Variants in ANO3 observed in about 807,000 individuals in gnomAD.
The protein encoded by ANO3 is anoctamin-3.
A neutral mutation model predicts 144.8 loss-of-function variants in ANO3; 99 were observed. The ratio of observed to expected loss-of-function variants is 0.68; its 90% confidence interval spans 0.58 to 0.81. The LOEUF (loss-of-function observed/expected upper bound fraction) is 0.81, where lower values mean the gene tolerates loss of function less well. ANO3 is among the 30% of genes least tolerant of loss of function. The pLI is 0.00. For missense variants in ANO3, 905 were observed against 1,202.2 expected, an observed-to-expected ratio of 0.75 and a Z score of 3.66; for synonymous variants, 414 against 392.6, an observed-to-expected ratio of 1.05 and a Z score of -0.64.
chr11:26,614,295 C>A (rs1025677456), intron 17 of ANO3, among the ~76,000 whole-genome samples: 2 of 152,182 alleles, frequency 1.3e-5, no homozygotes, highest in African/African-American at 4.8e-5. Flanking sequence ...CAGCCACTTT[C>A]CTGCTGTGCA....
At chr11:26,360,633 T>A (rs1855900706) in intron 1 of ANO3, among the ~76,000 whole-genome samples, 1 of 152,186 alleles carries the variant, frequency 6.6e-6, no homozygotes, top group Non-Finnish European at 1.5e-5. Context: ...GTCACCCAGC[T>A]TTCTATGGTG....
At chr11:26,564,747 A>T (rs1177382230) in intron 14 of ANO3, among the ~76,000 whole-genome samples, 4 of 63,736 alleles carry the variant, frequency 6.3e-5, no homozygotes, top group Non-Finnish European at 2.9e-5. Flanking sequence ...ATATATATAT[A>T]TATATATATA....
At chr11:26,566,803 T>C (rs1850604917) in intron 14 of ANO3, among the ~76,000 whole-genome samples, 1 of 66,224 alleles carries the variant, frequency 1.5e-5, no homozygotes. Flanking sequence ...AAATTCTGGC[T>C]TCTGACACAA....
intron 1 of ANO3, among the ~76,000 whole-genome samples, chr11:26,228,237 C>T (rs1870757): frequency 0.39 from 59,608 of 152,014 alleles, 12,206 homozygotes; most frequent in Non-Finnish European, 0.44. Context: ...ATGGCTTCTA[C>T]GACCCACATA....
At chr11:26,504,638 C>G (rs1159536138) in intron 4 of ANO3, among the ~76,000 whole-genome samples, 1 of 152,018 alleles carries the variant, frequency 6.6e-6, no homozygotes, top group Non-Finnish European at 1.5e-5. Context: ...ACTGGAGGGT[C>G]TAGAGGAGAG....
chr11:26,528,640 AC>A (rs1849226752), intron 7 of ANO3, among the ~76,000 whole-genome samples: 1 of 152,096 alleles, frequency 6.6e-6, no homozygotes, highest in Non-Finnish European at 1.5e-5. Context: ...AAATGGAATT[AC>A]TCTCTGTCTT....
In ANO3 at chr11:26,295,376, T is replaced by A. The variant is rs1012510294; in HGVS notation, c.155-14269T>A. The stretch of plus-strand genomic sequence containing the variant: ...TACTAAAAATAAAAATAAAAAAAAA[T>A]TAGCCGGGCTTAGTGGCGGGCGCCT... On this transcript the variant is annotated intron_variant, in intron 1 of 27. Transcript: ENST00000672621. Among the ~76,000 whole-genome samples, 8 of 151,414 alleles carry A rather than the reference T, an allele frequency of 5.3e-5. 1 individual carries two copies. The highest frequency in any genetic ancestry group is 2.0e-4 in the Admixed American group (3 of 15,186).
At chr11:26,551,964 G>T (rs1352075687) in intron 12 of ANO3, among the ~76,000 whole-genome samples, 1 of 151,902 alleles carries the variant, frequency 6.6e-6, no homozygotes, top group Non-Finnish European at 1.5e-5. Flanking sequence ...TGATAGAAAA[G>T]TTCCCTTAAA....
intron 1 of ANO3, among the ~76,000 whole-genome samples, chr11:26,210,421 G>A (rs1405385442): frequency 6.6e-6 from 1 of 152,146 alleles, no homozygotes; most frequent in Non-Finnish European, 1.5e-5. Context: ...GTAGCATGAT[G>A]TCTCCAGCTT....
intron 1 of ANO3, among the ~76,000 whole-genome samples, chr11:26,375,709 A>G (rs1232344128): frequency 1.3e-5 from 2 of 152,180 alleles, no homozygotes; most frequent in Admixed American, 6.6e-5. Flanking sequence ...GAGAGCCAAG[A>G]TATATATGCA....
chr11:26,610,938 A>G (rs569130641), intron 17 of ANO3, among the ~76,000 whole-genome samples: 1 of 152,114 alleles, frequency 6.6e-6, no homozygotes, highest in Non-Finnish European at 1.5e-5. Flanking sequence ...ATTGTTCATC[A>G]TAGTCTCTTA....
At chr11:26,653,592 GCTT>G (rs1853598094) in intron 24 of ANO3, among the ~76,000 whole-genome samples, 1 of 151,972 alleles carries the variant, frequency 6.6e-6, no homozygotes, top group Non-Finnish European at 1.5e-5. Flanking sequence ...TACAAAGGGA[GCTT>G]CTTCTCTGAG....
At chr11:26,246,335 T>C (rs1015835471) in intron 1 of ANO3, among the ~76,000 whole-genome samples, 1 of 151,880 alleles carries the variant, frequency 6.6e-6, no homozygotes, top group African/African-American at 2.4e-5. Flanking sequence ...TGGTAGTATT[T>C]TGTACTCCAA....
At chr11:26,288,375 G>GT (rs1340614826) in intron 1 of ANO3, among the ~76,000 whole-genome samples, 9 of 152,218 alleles carry the variant, frequency 5.9e-5, no homozygotes, top group Non-Finnish European at 1.2e-4. Flanking sequence ...TCAGCTGGCA[G>GT]TAACAGTGGG....
At chr11:26,497,155 C>A (rs73430229) in intron 4 of ANO3, among the ~76,000 whole-genome samples, 1 of 151,292 alleles carries the variant, frequency 6.6e-6, no homozygotes, top group African/African-American at 2.4e-5. Context: ...TGTATACAGA[C>A]ATACACACAA....
chr11:26,377,374 T>C (rs1856442437), intron 1 of ANO3, among the ~76,000 whole-genome samples: 1 of 152,048 alleles, frequency 6.6e-6, no homozygotes, highest in African/African-American at 2.4e-5. Flanking sequence ...AAGAAGGAAT[T>C]TGAAAAGGAA....
chr11:26,351,638 A>G (rs1855648338), intron 1 of ANO3, among the ~76,000 whole-genome samples: 1 of 152,208 alleles, frequency 6.6e-6, no homozygotes, highest in Admixed American at 6.5e-5. Context: ...CAAGTGAGGT[A>G]CAGAAGCAGC....
intron 1 of ANO3, among the ~76,000 whole-genome samples, chr11:26,343,055 CCAT>C (rs1209065668): frequency 1.3e-5 from 2 of 152,118 alleles, no homozygotes; most frequent in Non-Finnish European, 2.9e-5. Flanking sequence ...ACTACAGTCA[CCAT>C]GTTGATATTA....
At position 26,634,940 on chromosome 11, in the gene ANO3, G is replaced by A. The variant is rs934097692; in HGVS notation, c.1986-73G>A. The A allele has an allele frequency of 3.3e-5, 42 of 1,271,152 alleles. No homozygotes were observed. In the East Asian group the frequency reaches 7.2e-4, roughly 22 times the overall value. 78.7% of individuals were successfully genotyped at this position (1,271,152 alleles called of 1,614,324 possible). On this transcript the variant is annotated intron_variant, in intron 19 of 26. Coordinates refer to ENST00000256737, the MANE Select transcript of ANO3 (RefSeq NM_031418.4). ...TTTATGTCTACCCACACATGCACTC[G>A]TTGTGATGCCTAAGTAGATGTTCTT...
Sources: gnomAD v4.1 joint callset for allele counts (sites outside exome capture counted in the v4.1 genomes callset) on GRCh38, gnomAD v4.1.1 for gene constraint, MANE v1.5 for transcripts, NCBI Gene and HGNC (gene_info 2026-07-23, HGNC 2026-07-21) for gene names.